Variants in TSPAN11 observed in about 807,000 individuals in gnomAD.
TSPAN11 encodes the protein tetraspanin 11.
A neutral mutation model predicts 32.9 loss-of-function variants in TSPAN11; 29 were observed. That is an observed-to-expected ratio of 0.88 (90% CI 0.66 to 1.20). TSPAN11 has a LOEUF of 1.20. Ranked by LOEUF, TSPAN11 falls within the 50% of genes most tolerant of loss-of-function variation. The pLI is 0.00. For synonymous variants in TSPAN11, 140 were observed against 141.3 expected (o/e 0.99, Z 0.07); for missense variants, 283 against 329.1 (o/e 0.86, Z 1.08).
chr12:30,947,387 T>G (rs1475109653), intron 1 of TSPAN11, among the ~76,000 whole-genome samples: 6 of 152,162 alleles, frequency 3.9e-5, no homozygotes, highest in Non-Finnish European at 8.8e-5. Context: ...CAGCCTCCCT[T>G]CCTTACAACA....
chr12:30,986,275 C>A (rs993751723), intron 7 of TSPAN11, among the ~76,000 whole-genome samples: 1 of 152,224 alleles, frequency 6.6e-6, no homozygotes, highest in African/African-American at 2.4e-5. Context: ...GGCCTGATTT[C>A]TAAACATAGC....
intron 1 of TSPAN11, among the ~76,000 whole-genome samples, chr12:30,932,471 G>A (rs7308783): frequency 0.24 from 36,294 of 151,982 alleles, 5,622 homozygotes; most frequent in East Asian, 0.5. Flanking sequence ...TGCACTCAAC[G>A]TCGCTAACTC....
chr12:30,952,789 T>C (rs1329217757), intron 1 of TSPAN11, among the ~76,000 whole-genome samples: 1 of 152,186 alleles, frequency 6.6e-6, no homozygotes, highest in Non-Finnish European at 1.5e-5. Context: ...ATTATAAGAC[T>C]GAACAGGACG....
chr12:30,929,210 A>T (rs953664458), intron 1 of TSPAN11, among the ~76,000 whole-genome samples: 1 of 152,204 alleles, frequency 6.6e-6, no homozygotes, highest in Non-Finnish European at 1.5e-5. Flanking sequence ...CAGAAGACTT[A>T]GAGGGGTCTT....
chr12:31,010,333 T>C, the TSPAN11 span, among the ~76,000 whole-genome samples: 1 of 152,190 alleles, frequency 6.6e-6, no homozygotes, highest in Admixed American at 6.5e-5. Context: ...TGGCAAAGTT[T>C]CAGGCCACAT....
At chr12:30,997,865 C>A (rs992131695), downstream of TSPAN11, among the ~76,000 whole-genome samples, 2 of 152,202 alleles carry the variant, frequency 1.3e-5, no homozygotes, top group Non-Finnish European at 2.9e-5. Context: ...GCACATTGAT[C>A]CACCCGGGGA....
At chr12:30,962,632 T>C (rs1938636001) in intron 2 of TSPAN11, among the ~76,000 whole-genome samples, 3 of 152,148 alleles carry the variant, frequency 2.0e-5, no homozygotes, top group Admixed American at 6.5e-5. Flanking sequence ...CTGGGGCAGA[T>C]GGGGAGCTCC....
Position 30,983,170 on chromosome 12 carries a change from C to T in TSPAN11, c.702+20C>T, listed in dbSNP as rs1939131180. 8.7e-6 allele frequency: 14 copies of T among 1,603,114 alleles called. No individual in the cohort carries two copies. The highest frequency in any genetic ancestry group is 2.7e-5 in the African/African-American group (2 of 74,892). On this transcript the variant is annotated intron_variant, in intron 7 of 7. Coordinates refer to ENST00000546076, the MANE Select transcript of TSPAN11 (RefSeq NM_001370302.1). The stretch of plus-strand genomic sequence containing the variant: ...CTGCAGGTGAGTTGCAGTGCGGGGA[C>T]TGGTGGGGGTGGAAGGGCTCTGAAC...
intron 2 of TSPAN11, among the ~76,000 whole-genome samples, chr12:30,960,087 GAGA>G (rs959469495): frequency 7.0e-6 from 1 of 143,504 alleles, no homozygotes; most frequent in South Asian, 2.3e-4. Context: ...TTGTCATTGA[GAGA>G]AGGAGGAGCC....
At chr12:30,964,679 A>G (rs999603139) in intron 3 of TSPAN11, among the ~76,000 whole-genome samples, 4 of 152,166 alleles carry the variant, frequency 2.6e-5, no homozygotes, top group African/African-American at 9.7e-5. Context: ...GTGTATCTCT[A>G]AACTTAAGGA....
chr12:30,966,035 T>C (rs1221034393), intron 3 of TSPAN11, among the ~76,000 whole-genome samples: 1 of 150,706 alleles, frequency 6.6e-6, no homozygotes, highest in African/African-American at 2.4e-5. Flanking sequence ...TTTTTTTTTT[T>C]AGCTGATCAG....
Position 30,993,328 on chromosome 12 carries a change from T to C in TSPAN11, c.*1413T>C, listed in dbSNP as rs563656356. ...GATTGCACTGTGATGAGCACATTGC[T>C]GACCTAGGCCAGTCCTGGGGCAGGC... On this transcript the variant is annotated 3_prime_UTR_variant, in exon 8 of 8. Coordinates refer to ENST00000546076, the MANE Select transcript of TSPAN11 (RefSeq NM_001370302.1). The C allele has an allele frequency of 2.0e-5, 3 of 152,492 alleles. No individual in the cohort carries two copies. The South Asian group carries it at 6.2e-4, about 32-fold the overall frequency. 9.4% of individuals were successfully genotyped at this position (152,492 alleles called of 1,614,324 possible).
At chr12:30,967,190 G>T (rs539697549) in intron 3 of TSPAN11, among the ~76,000 whole-genome samples, 10 of 152,202 alleles carry the variant, frequency 6.6e-5, no homozygotes, top group Admixed American at 4.6e-4. Context: ...TACACCATCT[G>T]TTCATGAGAT....
chr12:30,988,033 G>A (rs562499803), intron 7 of TSPAN11, among the ~76,000 whole-genome samples: 10 of 152,358 alleles, frequency 6.6e-5, no homozygotes, highest in Admixed American at 6.5e-4. Flanking sequence ...ATGCTGAAGG[G>A]AGAATCCCCT....
chr12:31,016,065 C>A, the TSPAN11 span, among the ~76,000 whole-genome samples: 1 of 152,124 alleles, frequency 6.6e-6, no homozygotes, highest in Non-Finnish European at 1.5e-5. Context: ...TAACCAGAGG[C>A]CAGGAGTTCG....
the TSPAN11 span, among the ~76,000 whole-genome samples, chr12:31,010,520 A>G: frequency 9.2e-5 from 14 of 152,162 alleles, no homozygotes. Flanking sequence ...CAGGCTGGGC[A>G]TGGTGACTCA....
chr12:30,953,279 T>C (rs949136957), intron 1 of TSPAN11, among the ~76,000 whole-genome samples: 1 of 152,174 alleles, frequency 6.6e-6, no homozygotes, highest in Non-Finnish European at 1.5e-5. Flanking sequence ...CTATGATATA[T>C]GTGTCATTAT....
chr12:30,957,777 C>T (rs867189762), intron 2 of TSPAN11, among the ~76,000 whole-genome samples: 9 of 34,214 alleles, frequency 2.6e-4, no homozygotes, highest in South Asian at 1.8e-3. Context: ...CCTTCCTTCC[C>T]TCCCTCCCTC....
At chr12:30,947,127 G>A (rs1055900420) in intron 1 of TSPAN11, among the ~76,000 whole-genome samples, 2 of 152,174 alleles carry the variant, frequency 1.3e-5, no homozygotes, top group African/African-American at 4.8e-5. Context: ...CACATCAAGT[G>A]GCATATGTTT....
Sources: allele counts gnomAD v4.1 joint callset (sites outside exome capture counted in the v4.1 genomes callset), GRCh38; gene constraint gnomAD v4.1.1; transcripts MANE v1.5; gene names NCBI Gene and HGNC (gene_info 2026-07-23, HGNC 2026-07-21).